Variants in LEKR1 observed in about 807,000 individuals in gnomAD.
LEKR1 encodes protein LEKR1.
Under a neutral mutation model 72.4 loss-of-function variants are expected in LEKR1, and 59 were observed. The ratio of observed to expected loss-of-function variants is 0.82; its 90% CI spans 0.66 to 1.01. The LOEUF is 1.01. Ranked by LOEUF, LEKR1 falls within the 50% of genes least tolerant of loss-of-function variation. LEKR1 has a pLI of 0.00. For missense variants in LEKR1, 728 were observed against 759.2 expected (o/e 0.96, Z 0.48); for synonymous variants, 257 against 263.2 (o/e 0.98, Z 0.23).
At chr3:156,970,532 G>A (rs2107991584) in intron 6 of LEKR1, among the ~76,000 whole-genome samples, 1 of 151,870 alleles carries the variant, frequency 6.6e-6, no homozygotes, top group East Asian at 1.9e-4. Context: ...GGATCTAGTT[G>A]GGAAAAGAGG....
At chr3:156,936,175 C>T (rs1256329800) in intron 5 of LEKR1, among the ~76,000 whole-genome samples, 3 of 152,066 alleles carry the variant, frequency 2.0e-5, no homozygotes, top group African/African-American at 7.2e-5. Flanking sequence ...CAGGAAAAAT[C>T]TGGAGAGTAA....
intron 3 of LEKR1, among the ~76,000 whole-genome samples, chr3:156,918,321 C>T (rs1054093294): frequency 1.3e-5 from 2 of 152,226 alleles, no homozygotes; most frequent in African/African-American, 2.4e-5. Context: ...CTTTAAAGGA[C>T]GACACCTTCC....
chr3:156,972,243 A>C (rs200114904), intron 6 of LEKR1, among the ~76,000 whole-genome samples: 1 of 152,132 alleles, frequency 6.6e-6, no homozygotes, highest in Admixed American at 6.5e-5. Flanking sequence ...TCACAAGGAC[A>C]AAAAACCAAA....
chr3:156,929,491 A>G (rs1725010722), intron 5 of LEKR1, among the ~76,000 whole-genome samples: 1 of 152,166 alleles, frequency 6.6e-6, no homozygotes, highest in African/African-American at 2.4e-5. Context: ...GAATGAGACA[A>G]TAGCAGCATT....
At chr3:156,904,687 CAG>C (rs1225962216) in intron 3 of LEKR1, among the ~76,000 whole-genome samples, 4 of 150,986 alleles carry the variant, frequency 2.6e-5, no homozygotes, top group Admixed American at 2.6e-4. Flanking sequence ...TTTGGAGAGA[CAG>C]GGTCTCGCTA....
At chr3:156,991,062 C>G (rs1185851361) in intron 7 of LEKR1, among the ~76,000 whole-genome samples, 2 of 152,046 alleles carry the variant, frequency 1.3e-5, no homozygotes, top group African/African-American at 2.4e-5. Flanking sequence ...AGGGCAGTGG[C>G]AGAGAACATT....
chr3:157,029,610 A>T (rs1364966983), intron 12 of LEKR1, among the ~76,000 whole-genome samples: 1 of 152,182 alleles, frequency 6.6e-6, no homozygotes, highest in Non-Finnish European at 1.5e-5. Context: ...CAAAAAGATG[A>T]TTAAGTTCTC....
intron 3 of LEKR1, among the ~76,000 whole-genome samples, chr3:156,882,127 C>G (rs1306989008): frequency 3.3e-5 from 5 of 149,496 alleles, no homozygotes; most frequent in Non-Finnish European, 7.4e-5. Context: ...AAAGCAATGG[C>G]AACAAAAGAC....
chr3:156,894,589 A>G (rs80330580), intron 3 of LEKR1, among the ~76,000 whole-genome samples: 7,653 of 152,310 alleles, frequency 0.05, 271 homozygotes, highest in South Asian at 0.12. Context: ...GTCAAAACCA[A>G]TTCTAAGCAA....
At chr3:156,971,659 C>A (rs1224474841) in intron 6 of LEKR1, among the ~76,000 whole-genome samples, 1 of 152,080 alleles carries the variant, frequency 6.6e-6, no homozygotes, top group Non-Finnish European at 1.5e-5. Flanking sequence ...AAACAAACAA[C>A]CCCATCAAAA....
chr3:156,919,137 C>T (rs942904694), intron 3 of LEKR1, among the ~76,000 whole-genome samples: 1 of 152,220 alleles, frequency 6.6e-6, no homozygotes. Context: ...ATCGAGAGTA[C>T]CCTCCAAATC....
chr3:156,866,029 T>A (rs1374092411), intron 3 of LEKR1, among the ~76,000 whole-genome samples: 3 of 152,044 alleles, frequency 2.0e-5, no homozygotes, highest in Non-Finnish European at 4.4e-5. Context: ...CTAAGTTCCA[T>A]GAAAACCAGT....
At chr3:157,026,453 G>A (rs966406749) in intron 11 of LEKR1, among the ~76,000 whole-genome samples, 3 of 152,132 alleles carry the variant, frequency 2.0e-5, no homozygotes, top group Admixed American at 6.6e-5. Flanking sequence ...ACATATTTGT[G>A]GTTATGTGAA....
rs372905479 is a variant in LEKR1 at position 156,999,727 on chromosome 3, C to T, written c.1109+6450C>T. Among the ~76,000 whole-genome samples, 24 of 152,292 alleles carry T rather than the reference C, an allele frequency of 1.6e-4. No homozygotes were observed. The South Asian group carries it at 3.9e-3, about 25-fold the overall frequency. On this transcript the variant is annotated intron_variant, in intron 9 of 12. Coordinates refer to ENST00000356539, the MANE Select transcript of LEKR1 (RefSeq NM_001004316.3). Reference sequence around the variant, plus strand: ...GACGGAGGGAGCGCTTTTTCTAATTCACCAACCCAGAAGAGAAGCCATTTC... The same window carrying T: ...GACGGAGGGAGCGCTTTTTCTAATTTACCAACCCAGAAGAGAAGCCATTTC...
chr3:156,943,427 A>G lies in LEKR1; in HGVS notation c.745+713A>G, dbSNP rs553906399. On this transcript the variant is annotated intron_variant, in intron 6 of 12. Coordinates refer to ENST00000356539, the MANE Select transcript of LEKR1 (RefSeq NM_001004316.3). ...GTGTGCTAGACACTTTATGTGAATTATTTCTATCTGTTCTCATAACGACCA... is the reference window on the plus strand; with the variant it reads ...GTGTGCTAGACACTTTATGTGAATTGTTTCTATCTGTTCTCATAACGACCA... Among the ~76,000 whole-genome samples the G allele has an allele frequency of 1.4e-3, 214 of 152,050 alleles. 2 individuals are homozygous for G. Among genetic ancestry groups the G allele is most frequent in the African/African-American group, 4.7e-3 (196 of 41,532 alleles).
At chr3:156,924,405 C>T in intron 4 of LEKR1, 1 of 550,110 alleles carries the variant, frequency 1.8e-6, no homozygotes, top group Non-Finnish European at 3.2e-6. Context: ...ATATTTTCTC[C>T]CAGTGGCTTA....
chr3:156,902,631 G>GAGGCA (rs1415972209), intron 3 of LEKR1, among the ~76,000 whole-genome samples: 5 of 152,016 alleles, frequency 3.3e-5, no homozygotes, highest in Non-Finnish European at 7.4e-5. Flanking sequence ...GTAAAGAAAG[G>GAGGCA]AGGCAAGGCC....
chr3:156,845,703 C>T (rs897366533), intron 2 of LEKR1, among the ~76,000 whole-genome samples: 5 of 152,034 alleles, frequency 3.3e-5, no homozygotes, highest in Admixed American at 3.3e-4. Flanking sequence ...TTCCTTCTGC[C>T]AATATCATAC....
intron 3 of LEKR1, among the ~76,000 whole-genome samples, chr3:156,883,129 G>A (rs1373772899): frequency 6.6e-6 from 1 of 151,614 alleles, no homozygotes; most frequent in Non-Finnish European, 1.5e-5. Context: ...TTGTGCACAT[G>A]TACCCTAAAA....
Sources: allele counts gnomAD v4.1 joint callset (sites outside exome capture counted in the v4.1 genomes callset), GRCh38; gene constraint gnomAD v4.1.1; transcripts MANE v1.5; gene names NCBI Gene and HGNC (gene_info 2026-07-23, HGNC 2026-07-21).